The following ABCD3 variants were observed in gnomAD, a reference collection of about 807,000 sequenced individuals.
ABCD3 encodes the protein ATP binding cassette subfamily D member 3.
ABCD3 carries 41 observed loss-of-function variants against 105.5 expected under a neutral mutation model. The observed-to-expected ratio is 0.39, with a 90% CI of 0.30 to 0.50. The LOEUF is 0.50. Ranked by LOEUF, ABCD3 falls within the 20% of genes least tolerant of loss-of-function variation. ABCD3 has a pLI of 0.84. For missense variants in ABCD3, 622 were observed against 806.3 expected, an observed-to-expected ratio of 0.77 and a Z score of 2.77; for synonymous variants, 258 against 269.0, an observed-to-expected ratio of 0.96 and a Z score of 0.40.
At chr1:94,500,477 G>A (rs1371036511) in intron 20 of ABCD3, among the ~76,000 whole-genome samples, 1 of 151,868 alleles carries the variant, frequency 6.6e-6, no homozygotes, top group Non-Finnish European at 1.5e-5. Context: ...TAAAAAGAAC[G>A]GTAGTTTGGG....
chr1:94,445,763 AC>A (rs1660321705), intron 1 of ABCD3, among the ~76,000 whole-genome samples: 1 of 152,192 alleles, frequency 6.6e-6, no homozygotes, highest in Non-Finnish European at 1.5e-5. Context: ...TAGCTCGGTT[AC>A]AGGAGTCTCT....
At position 94,477,498 on chromosome 1, in the gene ABCD3, C is replaced by T. The variant is rs1402357766; in HGVS notation, c.628-761C>T. 2.0e-5 allele frequency among the ~76,000 whole-genome samples: 3 copies of T among 151,946 alleles called. 1 individual carries two copies. The highest frequency in any genetic ancestry group is 3.9e-4 in the East Asian group (2 of 5,168). ...AAAATTACCCAGGCATGGTAATGTG[C>T]GCCTGTACTCCCAGCTACTCCAGAG... is the stretch of plus-strand genomic sequence containing the variant. On this transcript the variant is annotated intron_variant, in intron 7 of 22. Coordinates refer to ENST00000370214, the MANE Select transcript of ABCD3 (RefSeq NM_002858.4).
intron 3 of ABCD3, among the ~76,000 whole-genome samples, 158 bp downstream of exon 3, chr1:94,465,031 C>T (rs1004029136): frequency 5.3e-5 from 8 of 152,242 alleles, no homozygotes; most frequent in African/African-American, 1.9e-4. Context: ...GGGGAGGCCT[C>T]AGGAAGCTGG....
At chr1:94,437,966 C>A (rs1194266775) in intron 1 of ABCD3, among the ~76,000 whole-genome samples, 1 of 152,054 alleles carries the variant, frequency 6.6e-6, no homozygotes, top group African/African-American at 2.4e-5. Context: ...TCTGAAGATA[C>A]AACAGAATTG....
At chr1:94,405,310 C>CTT in the ABCD3 span, among the ~76,000 whole-genome samples, 2 of 124,956 alleles carry the variant, frequency 1.6e-5, no homozygotes, top group Admixed American at 8.0e-5. Context: ...CATTATCAAG[C>CTT]TTTTTTTTTT....
upstream of ABCD3, among the ~76,000 whole-genome samples, chr1:94,415,734 G>A (rs1220112717): frequency 2.0e-5 from 3 of 152,138 alleles, no homozygotes; most frequent in Non-Finnish European, 4.4e-5. Flanking sequence ...CTGCTTCTCA[G>A]CCCAGGTTTG....
intron 2 of ABCD3, 120 bp downstream of exon 2, chr1:94,458,763 C>A: frequency 1.1e-6 from 1 of 938,864 alleles, no homozygotes; most frequent in Non-Finnish European, 1.7e-6. Context: ...ATACTCCAGT[C>A]TTCTACACAT....
intron 1 of ABCD3, among the ~76,000 whole-genome samples, chr1:94,431,227 G>A (rs985469730): frequency 4.6e-5 from 7 of 152,070 alleles, no homozygotes; most frequent in South Asian, 2.1e-4. Context: ...AAAAATATGC[G>A]AAAAAGAAGA....
At chr1:94,431,780 G>A (rs959022623) in intron 1 of ABCD3, among the ~76,000 whole-genome samples, 21 of 152,120 alleles carry the variant, frequency 1.4e-4, no homozygotes, top group Middle Eastern at 3.2e-3. Context: ...CGATATAGGC[G>A]TGAACCACCA....
At chr1:94,419,323 G>A in intron 1 of ABCD3, 1 of 985,358 alleles carries the variant, frequency 1.0e-6, no homozygotes, top group Non-Finnish European at 1.2e-6. Flanking sequence ...GTGTGGTTTA[G>A]GTGAGGATCA....
the ABCD3 span, among the ~76,000 whole-genome samples, chr1:94,399,783 G>T: frequency 1.3e-5 from 2 of 152,200 alleles, no homozygotes; most frequent in East Asian, 1.9e-4. Flanking sequence ...GCAGTTAGAG[G>T]GGAAAGGCAT....
intron 1 of ABCD3, among the ~76,000 whole-genome samples, chr1:94,428,669 C>T (rs1232921533): frequency 6.6e-6 from 1 of 151,966 alleles, no homozygotes; most frequent in Non-Finnish European, 1.5e-5. Context: ...TTTTGCCTGC[C>T]GCCATCCACA....
In ABCD3 at chr1:94,476,801, CG is replaced by C. The variant is rs3831287; in HGVS notation, c.627+1067del. The stretch of plus-strand genomic sequence containing the variant: ...AGCCTTTGCTAACTGATCCCAAACT[CG>C]GGAACTCTGACAACTACAAATAGTT... On this transcript the variant is annotated intron_variant, in intron 7 of 22. Coordinates refer to ENST00000370214, the MANE Select transcript of ABCD3 (RefSeq NM_002858.4). Among the ~76,000 whole-genome samples the C allele has an allele frequency of 2.6e-5, 4 of 152,210 alleles. No individual in the cohort carries two copies. In the East Asian group the frequency reaches 7.7e-4, roughly 29 times the overall value.
chr1:94,475,236 C>G lies in ABCD3; in HGVS notation c.499C>G (p.Leu167Val). 6.4e-7 allele frequency: 1 copy of G among 1,563,840 alleles called. No individual in the cohort carries two copies. The highest frequency in any genetic ancestry group is 8.7e-7 in the Non-Finnish European group (1 of 1,143,682). ...RLTKYLYEEY[L>V]QAFTYYKMGN... ...CACTAAATACCTCTATGAGGAGTAT[C>G]TTCAGTAAGTGATAACCTATTTTTA... The change falls in exon 6 of 23, where the codon CTT (leucine) becomes GTT (valine). Residue 167 changes from leucine (L) to valine (V), a missense_variant. Leu to Val is a conservative substitution (Grantham distance 32, BLOSUM62 1). Coordinates refer to ENST00000370214, the MANE Select transcript of ABCD3 (RefSeq NM_002858.4).
the ABCD3 span, among the ~76,000 whole-genome samples, chr1:94,385,674 C>G: frequency 6.6e-6 from 1 of 152,174 alleles, no homozygotes; most frequent in African/African-American, 2.4e-5. Flanking sequence ...GCTAATCTTC[C>G]AAAGAACTTT....
At chr1:94,478,413 C>A in intron 8 of ABCD3, 98 bp downstream of exon 8, 1 of 1,158,434 alleles carries the variant, frequency 8.6e-7, no homozygotes, top group Non-Finnish European at 1.3e-6. Context: ...TTTTGTAGAT[C>A]TCAAAGAATG....
chr1:94,471,338 A>G (rs1648448225), intron 4 of ABCD3, among the ~76,000 whole-genome samples: 1 of 151,996 alleles, frequency 6.6e-6, no homozygotes, highest in Admixed American at 6.6e-5. Context: ...CAAGAGGATC[A>G]CTTGAGGCCA....
At chr1:94,464,624 T>C in intron 2 of ABCD3, 151 bp from the exon 3 acceptor site, 1 of 701,168 alleles carries the variant, frequency 1.4e-6, no homozygotes. Flanking sequence ...TGTTTGAATA[T>C]GAGGAGCAGT....
chr1:94,385,660 C>T, the ABCD3 span, among the ~76,000 whole-genome samples: 3 of 152,210 alleles, frequency 2.0e-5, no homozygotes, highest in Admixed American at 6.5e-5. Context: ...GGAAAATATG[C>T]GTAGCTAATC....
Sources: allele counts gnomAD v4.1 joint callset (sites outside exome capture counted in the v4.1 genomes callset), GRCh38; gene constraint gnomAD v4.1.1; transcripts MANE v1.5; gene names NCBI Gene and HGNC (gene_info 2026-07-23, HGNC 2026-07-21).